The following RNF216 variants were observed in gnomAD, a reference collection of about 807,000 sequenced individuals.
The protein encoded by RNF216 is E3 ubiquitin-protein ligase RNF216.
In RNF216, 72 loss-of-function variants were observed where a neutral mutation model predicts 110.8. The ratio of observed to expected loss-of-function variants is 0.65; its 90% CI spans 0.54 to 0.79. RNF216 has a LOEUF of 0.79. Among genes scored for constraint, RNF216 ranks in the 30% least tolerant of loss-of-function variants. The pLI is 0.00. For missense variants in RNF216, 1,342 were observed against 1,141.2 expected (o/e 1.18, Z -2.54); for synonymous variants, 495 against 407.5 (o/e 1.21, Z -2.59).
At chr7:5,760,856 T>C (rs1233302709) in intron 2 of RNF216, 147 bp downstream of exon 2, 5 of 655,812 alleles carry the variant, frequency 7.6e-6, no homozygotes, top group Middle Eastern at 3.1e-4. Flanking sequence ...TTATCTGATA[T>C]AATTCTAGTC....
At chr7:5,739,575 C>T (rs1201267111) in intron 4 of RNF216, 2 of 621,172 alleles carry the variant, frequency 3.2e-6, no homozygotes, top group East Asian at 6.5e-5. Context: ...TCTCTGTCCC[C>T]ATTTTACAGA....
At chr7:5,706,010 G>A (rs940313781) in intron 13 of RNF216, among the ~76,000 whole-genome samples, 1 of 151,624 alleles carries the variant, frequency 6.6e-6, no homozygotes, top group Admixed American at 6.6e-5. Flanking sequence ...TACGAGGTCA[G>A]GAGATCAAGA....
At chr7:5,717,196 A>G (rs1793119252) in intron 9 of RNF216, among the ~76,000 whole-genome samples, 1 of 152,134 alleles carries the variant, frequency 6.6e-6, no homozygotes, top group African/African-American at 2.4e-5. Context: ...TCTACTAAAA[A>G]TACAAAATTA....
intron 13 of RNF216, among the ~76,000 whole-genome samples, chr7:5,707,577 C>A (rs60492601): frequency 6.6e-6 from 1 of 152,008 alleles, no homozygotes; most frequent in African/African-American, 2.4e-5. Flanking sequence ...TGAACTTGCA[C>A]GGATATAGAT....
At chr7:5,654,043 G>C (rs1788573632) in intron 13 of RNF216, among the ~76,000 whole-genome samples, 1 of 152,146 alleles carries the variant, frequency 6.6e-6, no homozygotes, top group South Asian at 2.1e-4. Flanking sequence ...AACACGATCA[G>C]GTATGTCTTT....
intron 1 of RNF216, among the ~76,000 whole-genome samples, chr7:5,767,627 G>T (rs1301973545): frequency 6.7e-6 from 1 of 148,708 alleles, no homozygotes; most frequent in African/African-American, 2.5e-5. Context: ...TTGAGATGGA[G>T]TTTTGCTCTG....
At chr7:5,737,073 G>A (rs1224335934) in intron 5 of RNF216, among the ~76,000 whole-genome samples, 4 of 152,238 alleles carry the variant, frequency 2.6e-5, no homozygotes, top group Non-Finnish European at 2.9e-5. Context: ...CAGCTGTGTC[G>A]AATAGAAAAG....
chr7:5,699,900 G>T (rs1791855409), intron 13 of RNF216, among the ~76,000 whole-genome samples: 1 of 152,222 alleles, frequency 6.6e-6, no homozygotes. Context: ...AGTCAGGGAA[G>T]ACACTGAGGA....
chr7:5,663,432 A>C (rs35001382), intron 13 of RNF216, among the ~76,000 whole-genome samples: 5,064 of 151,812 alleles, frequency 0.033, 267 homozygotes, highest in African/African-American at 0.12. Flanking sequence ...ACACAAAAAC[A>C]AATTAGCCAG....
intron 13 of RNF216, among the ~76,000 whole-genome samples, chr7:5,663,428 A>G (rs1789281914): frequency 6.6e-6 from 1 of 151,856 alleles, no homozygotes. Context: ...AAAAACACAA[A>G]AACAAATTAG....
chr7:5,633,012 C>T (rs1406562194), intron 15 of RNF216, among the ~76,000 whole-genome samples: 4 of 151,936 alleles, frequency 2.6e-5, no homozygotes, highest in Non-Finnish European at 4.4e-5. Context: ...CAGAGTCGTG[C>T]TCTATCGCCC....
chr7:5,701,299 G>C (rs892584946), intron 13 of RNF216, among the ~76,000 whole-genome samples: 10 of 152,226 alleles, frequency 6.6e-5, no homozygotes, highest in Non-Finnish European at 1.3e-4. Flanking sequence ...TGAGTGGTGA[G>C]TGATGAGTCA....
At chr7:5,716,659 T>TA (rs1206928122) in intron 10 of RNF216, 57 bp downstream of exon 10, 8 of 1,383,444 alleles carry the variant, frequency 5.8e-6, no homozygotes, top group African/African-American at 1.5e-5. Context: ...CAAAACATGG[T>TA]AAGAGAAAAC....
At chr7:5,720,025 T>C (rs1793316863) in intron 9 of RNF216, among the ~76,000 whole-genome samples, 1 of 152,236 alleles carries the variant, frequency 6.6e-6, no homozygotes, top group South Asian at 2.1e-4. Flanking sequence ...CAGGTGAAAC[T>C]GGTGTGTCTT....
intron 13 of RNF216, among the ~76,000 whole-genome samples, chr7:5,667,098 G>A (rs1197410234): frequency 1.3e-5 from 2 of 152,152 alleles, no homozygotes; most frequent in Non-Finnish European, 2.9e-5. Context: ...GAGGCACTGT[G>A]CCTGGCCAGC....
chr7:5,729,194 G>T (rs2112008), intron 7 of RNF216, among the ~76,000 whole-genome samples: 147,893 of 152,338 alleles, frequency 0.97, 71,801 homozygotes, highest in Middle Eastern at 0.99. Flanking sequence ...CACAGTAGAA[G>T]GTATTACACT....
intron 13 of RNF216, 39 bp downstream of exon 13, chr7:5,711,722 T>C (rs745806378): frequency 6.4e-7 from 1 of 1,554,852 alleles, no homozygotes; most frequent in East Asian, 2.3e-5. Context: ...CATAATACCA[T>C]AATTCAATAT....
At chr7:5,769,934 G>C (rs566605667) in intron 1 of RNF216, among the ~76,000 whole-genome samples, 19 of 132,402 alleles carry the variant, frequency 1.4e-4, no homozygotes, top group Admixed American at 2.8e-4. Flanking sequence ...GGCTGAGACA[G>C]AGGAATCACT....
At chr7:5,767,629 T>C (rs1462442972) in intron 1 of RNF216, among the ~76,000 whole-genome samples, 1 of 151,574 alleles carries the variant, frequency 6.6e-6, no homozygotes, top group African/African-American at 2.4e-5. Context: ...GAGATGGAGT[T>C]TTGCTCTGCC....
Sources: allele counts gnomAD v4.1 joint callset (sites outside exome capture counted in the v4.1 genomes callset), GRCh38; gene constraint gnomAD v4.1.1; transcripts MANE v1.5; gene names NCBI Gene and HGNC (gene_info 2026-07-23, HGNC 2026-07-21).